Variants in SNTG1 observed in about 807,000 individuals in gnomAD.
SNTG1 encodes syntrophin gamma 1.
In SNTG1, 39 loss-of-function variants were observed where a neutral mutation model predicts 74.7. The ratio of observed to expected loss-of-function variants is 0.52; its 90% CI spans 0.40 to 0.68. The LOEUF (loss-of-function observed/expected upper bound fraction) is 0.68. SNTG1 is among the 30% of genes least tolerant of loss of function. The probability of loss-of-function intolerance (pLI) is 0.00; values close to 1 mark genes in which losing one functional copy is unlikely to be tolerated. For missense variants in SNTG1, 685 were observed against 609.5 expected (o/e 1.12, Z -1.30); for synonymous variants, 254 against 217.1 (o/e 1.17, Z -1.49).
chr8:50,671,539 A>G (rs1286773663), intron 15 of SNTG1, among the ~76,000 whole-genome samples: 2 of 152,104 alleles, frequency 1.3e-5, no homozygotes, highest in Non-Finnish European at 2.9e-5. Flanking sequence ...AAAAGTCAGG[A>G]AACAACAGGT....
chr8:49,977,337 T>G (rs1237527597), intron 1 of SNTG1, among the ~76,000 whole-genome samples: 1 of 152,144 alleles, frequency 6.6e-6, no homozygotes, highest in African/African-American at 2.4e-5. Context: ...GGACTGTGCT[T>G]TTTTTCATTC....
chr8:50,664,659 C>G (rs534456130), intron 15 of SNTG1, among the ~76,000 whole-genome samples: 9 of 152,258 alleles, frequency 5.9e-5, no homozygotes, highest in Non-Finnish European at 1.3e-4. Flanking sequence ...AGGCCTTTAG[C>G]CCAGGGACAG....
At chr8:50,430,356 C>T (rs1285622709) in intron 4 of SNTG1, among the ~76,000 whole-genome samples, 1 of 152,102 alleles carries the variant, frequency 6.6e-6, no homozygotes, top group African/African-American at 2.4e-5. Flanking sequence ...TGAGTTTATA[C>T]TGATGTCCCC....
At chr8:50,203,718 T>A (rs1189805767) in intron 2 of SNTG1, among the ~76,000 whole-genome samples, 3 of 152,038 alleles carry the variant, frequency 2.0e-5, no homozygotes, top group Non-Finnish European at 4.4e-5. Context: ...ATTGTACTAT[T>A]ATTGTCATTG....
chr8:50,073,315 C>A (rs1357363224), intron 1 of SNTG1, among the ~76,000 whole-genome samples: 1 of 152,182 alleles, frequency 6.6e-6, no homozygotes, highest in East Asian at 1.9e-4. Flanking sequence ...CCATAAGAAG[C>A]AACTCCTCAT....
At chr8:50,069,070 T>C (rs1821132810) in intron 1 of SNTG1, among the ~76,000 whole-genome samples, 1 of 152,228 alleles carries the variant, frequency 6.6e-6, no homozygotes, top group Non-Finnish European at 1.5e-5. Context: ...CTACCACTTA[T>C]AAACTTGTAT....
rs1264392853 is a variant in SNTG1, at chr8:50,177,031, TG to T, written c.-28+4399del. Among the ~76,000 whole-genome samples, 3 of 152,136 alleles carry T rather than the reference TG, an allele frequency of 2.0e-5. No individual in the cohort carries two copies. In the East Asian group the frequency reaches 5.8e-4, roughly 29 times the overall value. On this transcript the variant is annotated intron_variant, in intron 2 of 18. Transcript: ENST00000642720. ...TGGCAGCCTCTCAGGACTAAAAGTG[TG>T]GGCCTGTATTTGTGTTTGTCTGTGA...
chr8:50,492,185 T>A (rs7007612), intron 8 of SNTG1, among the ~76,000 whole-genome samples: 130,586 of 152,134 alleles, frequency 0.86, 56,185 homozygotes, highest in Non-Finnish European at 0.89. Flanking sequence ...AAACAGTGCC[T>A]CAATAAACAT....
rs186978887 is a variant in SNTG1, at chr8:50,620,937, G to T, written c.849+30020G>T. Among the ~76,000 whole-genome samples the T allele has an allele frequency of 2.4e-3, 371 of 152,248 alleles. 3 individuals are homozygous for T. Among genetic ancestry groups the T allele is most frequent in the African/African-American group, 8.0e-3 (334 of 41,530 alleles). Reference sequence around the variant, plus strand: ...TGGATGATAGAAAGCAGGATCTCTGGTGAGCTTGGAGACATAGGCTATTGC... The same window carrying T: ...TGGATGATAGAAAGCAGGATCTCTGTTGAGCTTGGAGACATAGGCTATTGC... On this transcript the variant is annotated intron_variant, in intron 13 of 18. Transcript: ENST00000642720.
chr8:50,121,493 ATGT>A (rs2080996755), intron 1 of SNTG1, among the ~76,000 whole-genome samples: 1 of 142,070 alleles, frequency 7.0e-6, no homozygotes, highest in African/African-American at 2.6e-5. Flanking sequence ...TAGAAAAAAA[ATGT>A]TGATGTGCTT....
chr8:50,163,422 T>C (rs2082496027), intron 1 of SNTG1: 1 of 152,060 alleles, frequency 6.6e-6, no homozygotes, highest in Non-Finnish European at 1.5e-5. Context: ...CAAGTTTTTT[T>C]TTTTTTAATA....
chr8:49,987,725 T>C (rs553087559), intron 1 of SNTG1, among the ~76,000 whole-genome samples: 62 of 148,140 alleles, frequency 4.2e-4, no homozygotes, highest in African/African-American at 1.4e-3. Context: ...CTCGGCTTAC[T>C]GCAACCTCTG....
Position 50,166,836 on chromosome 8 carries a change from G to A in SNTG1, c.-102-5725G>A, listed in dbSNP as rs568930253. On this transcript the variant is annotated intron_variant, in intron 1 of 18. Coordinates refer to ENST00000642720, the MANE Select transcript of SNTG1 (RefSeq NM_018967.5). ...ACACATGCACACGTATGTTTATTGC[G>A]GCATTATTCACAATAGCAGCGACTT... Among the ~76,000 whole-genome samples the A allele has an allele frequency of 9.9e-5, 15 of 150,918 alleles. No homozygotes were observed. The South Asian group carries it at 1.0e-3, about 11-fold the overall frequency.
intron 2 of SNTG1, among the ~76,000 whole-genome samples, chr8:50,173,583 T>G (rs916021152): frequency 1.3e-5 from 2 of 152,212 alleles, no homozygotes; most frequent in Non-Finnish European, 2.9e-5. Context: ...TATAACTTTA[T>G]GTAGCCATGC....
chr8:50,612,202 G>A (rs2094855386), intron 13 of SNTG1, among the ~76,000 whole-genome samples: 1 of 152,082 alleles, frequency 6.6e-6, no homozygotes, highest in South Asian at 2.1e-4. Flanking sequence ...TGCTTTCTAA[G>A]AGTTTTTGAA....
At chr8:50,452,913 C>T (rs2093470164) in intron 8 of SNTG1, among the ~76,000 whole-genome samples, 1 of 152,160 alleles carries the variant, frequency 6.6e-6, no homozygotes, top group Non-Finnish European at 1.5e-5. Flanking sequence ...GTATAACAAG[C>T]TGAGAGAATG....
At chr8:50,701,049 T>G (rs769501400) in intron 15 of SNTG1, among the ~76,000 whole-genome samples, 13 of 152,142 alleles carry the variant, frequency 8.5e-5, no homozygotes, top group Admixed American at 2.0e-4. Context: ...TGAAGTCCAT[T>G]TTAAGATCCT....
chr8:50,649,871 G>A (rs1365858661), intron 13 of SNTG1, among the ~76,000 whole-genome samples: 1 of 151,644 alleles, frequency 6.6e-6, no homozygotes, highest in African/African-American at 2.4e-5. Context: ...TGGCAACATT[G>A]AGAAATTTAC....
chr8:50,651,709 G>A (rs1409347495), intron 13 of SNTG1, among the ~76,000 whole-genome samples: 6 of 151,820 alleles, frequency 4.0e-5, no homozygotes, highest in African/African-American at 7.3e-5. Context: ...CACCCACCTC[G>A]GCCTCCCAAA....
Sources: gnomAD v4.1 joint callset for allele counts (sites outside exome capture counted in the v4.1 genomes callset) on GRCh38, gnomAD v4.1.1 for gene constraint, MANE v1.5 for transcripts, NCBI Gene and HGNC (gene_info 2026-07-23, HGNC 2026-07-21) for gene names.